The following SNURF variants were observed in gnomAD, a reference collection of about 807,000 sequenced individuals.
SNURF encodes the protein SNURF protein.
Under a neutral mutation model 11.6 loss-of-function variants are expected in SNURF, and 6 were observed. The observed-to-expected ratio is 0.52, with a 90% confidence interval of 0.28 to 1.02. SNURF has a LOEUF of 1.02. Ranked by LOEUF, SNURF falls within the 50% of genes least tolerant of loss-of-function variation. The probability of loss-of-function intolerance (pLI) is 0.09; values close to 1 mark genes in which losing one functional copy is unlikely to be tolerated. For synonymous variants in SNURF, 29 were observed against 31.6 expected (o/e 0.92, Z 0.27); for missense variants, 84 against 88.4 (o/e 0.95, Z 0.20).
chr15:24,964,822 A>AT (rs2075379269), intron 2 of SNURF, among the ~76,000 whole-genome samples: 1 of 152,206 alleles, frequency 6.6e-6, no homozygotes, highest in Non-Finnish European at 1.5e-5. Flanking sequence ...TCTCATCCTC[A>AT]TCTTGTTGTG....
In SNURF at chr15:24,956,322, T is replaced by C. The variant is rs887138532; in HGVS notation, c.14+1260T>C. On this transcript the variant is annotated intron_variant, in intron 1 of 2. Transcript: ENST00000577949. ...GCAGCTCCTTCAAGATGGCCGCCGC[T>C]GCAGCGGCTTAGATCTGCGCAAGCG... 2.1e-5 allele frequency among the ~76,000 whole-genome samples: 3 copies of C among 141,066 alleles called. No individual in the cohort carries two copies. The Admixed American group carries it at 2.4e-4, about 11-fold the overall frequency. 92.5% of individuals were successfully genotyped at this position (141,066 alleles called of 152,430 possible).
chr15:24,956,851 A>C lies in SNURF; in HGVS notation c.14+1789A>C, dbSNP rs1294747188. Among the ~76,000 whole-genome samples, 6 of 152,294 alleles carry C rather than the reference A, an allele frequency of 3.9e-5. No homozygotes were observed. The South Asian group carries it at 1.2e-3, about 32-fold the overall frequency. On this transcript the variant is annotated intron_variant, in intron 1 of 2. Coordinates refer to ENST00000577949, the Ensembl canonical transcript of SNURF. ...TCCGCCTGTGTGGGATGGCAGCTGC[A>C]CTGGGCTACTGCTTTTCAGCTCTGC... is the stretch of plus-strand genomic sequence containing the variant.
At chr15:24,970,452 A>T (rs2076255798), downstream of SNURF, among the ~76,000 whole-genome samples, 1 of 151,912 alleles carries the variant, frequency 6.6e-6, no homozygotes, top group Non-Finnish European at 1.5e-5. Flanking sequence ...AGTGGGGGAC[A>T]CCTGTAATCC....
At chr15:24,967,705 G>A (rs1243471666) in intron 2 of SNURF, among the ~76,000 whole-genome samples, 1 of 151,108 alleles carries the variant, frequency 6.6e-6, no homozygotes, top group Non-Finnish European at 1.5e-5. Context: ...CTACTTGGGA[G>A]GCTGAGGCAG....
chr15:24,961,971 A>T (rs1443114872), intron 1 of SNURF, 143 bp from the exon 2 acceptor site: 1 of 799,282 alleles, frequency 1.3e-6, no homozygotes, highest in Non-Finnish European at 2.1e-6. Context: ...TTGAAGGTTA[A>T]AGATCTTGTA....
intron 3 of SNURF, chr15:24,974,670 G>A: frequency 1.6e-6 from 1 of 628,742 alleles, no homozygotes; most frequent in South Asian, 1.9e-5. Flanking sequence ...TCCCAGTCTG[G>A]AGTGCAGTGG....
At chr15:24,967,938 G>T (rs1430382050) in exon 3 of SNURF, 3 of 1,613,698 alleles carry the variant, frequency 1.9e-6, no homozygotes, top group Non-Finnish European at 2.5e-6. Flanking sequence ...GTAGGTGTCA[G>T]TTGTACCCGA....
chr15:24,973,432 T>C (rs2153664785), downstream of SNURF, among the ~76,000 whole-genome samples: 1 of 150,912 alleles, frequency 6.6e-6, no homozygotes, highest in Non-Finnish European at 1.5e-5. Context: ...TTGTCCCTCC[T>C]TGTTGCCCAG....
chr15:24,962,052 C>A, intron 1 of SNURF, 62 bp from the exon 2 acceptor site: 1 of 1,320,546 alleles, frequency 7.6e-7, no homozygotes, highest in East Asian at 2.3e-5. Context: ...ATAACCTTGA[C>A]AAATAGTTAT....
chr15:24,956,293 T>C (rs2062860337), intron 1 of SNURF, among the ~76,000 whole-genome samples: 1 of 148,022 alleles, frequency 6.8e-6, no homozygotes, highest in Non-Finnish European at 1.5e-5. Context: ...GTCACTGCCA[T>C]TGTGCAGCTC....
At chr15:24,967,581 G>C (rs895042481) in intron 2 of SNURF, among the ~76,000 whole-genome samples, 2 of 151,742 alleles carry the variant, frequency 1.3e-5, no homozygotes, top group Non-Finnish European at 2.9e-5. Flanking sequence ...GGCGGAGCTT[G>C]CAGTGAGCCC....
chr15:24,955,874 G>A (rs951245554), intron 1 of SNURF, among the ~76,000 whole-genome samples: 1 of 151,808 alleles, frequency 6.6e-6, no homozygotes, highest in Non-Finnish European at 1.5e-5. Flanking sequence ...TGGCGGCCGC[G>A]GGGCCTGTCG....
intron 5 of SNURF, among the ~76,000 whole-genome samples, chr15:24,976,667 T>G (rs2077092438): frequency 6.6e-6 from 1 of 152,224 alleles, no homozygotes. Flanking sequence ...GGTATGTTTA[T>G]AAAAGAGGTG....
At chr15:24,971,297 T>C (rs565648821), downstream of SNURF, among the ~76,000 whole-genome samples, 1 of 152,294 alleles carries the variant, frequency 6.6e-6, no homozygotes, top group African/African-American at 2.4e-5. Context: ...TCGTCGCCTT[T>C]CTCATGAAGT....
intron 1 of SNURF, among the ~76,000 whole-genome samples, chr15:24,955,641 C>T (rs951230987): frequency 2.8e-5 from 3 of 108,092 alleles, no homozygotes; most frequent in African/African-American, 1.1e-4. Context: ...GGCGAGGAGG[C>T]TATGGCAGTG....
chr15:24,974,216 G>T, intron 3 of SNURF: 1 of 544,766 alleles, frequency 1.8e-6, no homozygotes, highest in Non-Finnish European at 3.3e-6. Context: ...GGATGTTTTT[G>T]AACGTGTCTG....
At chr15:24,963,469 A>G (rs1011109111) in intron 2 of SNURF, among the ~76,000 whole-genome samples, 25 of 151,532 alleles carry the variant, frequency 1.6e-4, no homozygotes, top group African/African-American at 5.8e-4. Context: ...ACAAAAATTA[A>G]CCGAGTGTGG....
chr15:24,955,305 G>A (rs1005442358), intron 1 of SNURF, among the ~76,000 whole-genome samples: 3 of 151,962 alleles, frequency 2.0e-5, no homozygotes, highest in African/African-American at 7.3e-5. Flanking sequence ...CTGTGGTGTC[G>A]CGACAGGTCC....
At chr15:24,968,290 C>A in exon 3 of SNURF, 1 of 397,766 alleles carries the variant, frequency 2.5e-6, no homozygotes, top group Non-Finnish European at 4.6e-6. Flanking sequence ...GTTATTGTAG[C>A]GCATGCTTTT....
Sources: gnomAD v4.1 joint callset for allele counts (sites outside exome capture counted in the v4.1 genomes callset) on GRCh38, gnomAD v4.1.1 for gene constraint, MANE v1.5 for transcripts, NCBI Gene and HGNC (gene_info 2026-07-23, HGNC 2026-07-21) for gene names.